The following NSUN4 variants were observed in gnomAD, a reference collection of about 807,000 sequenced individuals.
The protein encoded by NSUN4 is NOP2/Sun RNA methyltransferase 4.
Under a neutral mutation model 43.8 loss-of-function variants are expected in NSUN4, and 31 were observed. The observed-to-expected ratio is 0.71, with a 90% CI of 0.53 to 0.96. The LOEUF (loss-of-function observed/expected upper bound fraction) is 0.96. Ranked by LOEUF, NSUN4 falls within the 40% of genes least tolerant of loss-of-function variation. The pLI, the probability that NSUN4 is intolerant of heterozygous loss-of-function variation, is 0.00. For missense variants in NSUN4, 439 were observed against 475.6 expected (o/e 0.92, Z 0.72); for synonymous variants, 167 against 184.1 (o/e 0.91, Z 0.75).
At chr1:46,342,058 C>CG in intron 1 of NSUN4, 1 of 827,204 alleles carries the variant, frequency 1.2e-6, no homozygotes, top group Non-Finnish European at 1.6e-6. Flanking sequence ...CATAGGACCC[C>CG]GGGAACTTGC....
At chr1:46,375,923 A>G in the NSUN4 span, among the ~76,000 whole-genome samples, 2 of 151,444 alleles carry the variant, frequency 1.3e-5, no homozygotes, top group Admixed American at 6.6e-5. Context: ...CCTAACGAAC[A>G]TGGAGAAACC....
chr1:46,343,795 G>C (rs1662290583), intron 1 of NSUN4: 1 of 400,458 alleles, frequency 2.5e-6, no homozygotes, highest in South Asian at 1.3e-4. Flanking sequence ...AAGAGCAAGA[G>C]TCTATGATGG....
the NSUN4 span, among the ~76,000 whole-genome samples, chr1:46,378,109 G>A: frequency 1.3e-5 from 2 of 152,068 alleles, no homozygotes; most frequent in Non-Finnish European, 2.9e-5. Context: ...ATGTTGCCCA[G>A]GCTGGTCTCG....
At chr1:46,359,572 A>C (rs1325057356) in intron 4 of NSUN4, among the ~76,000 whole-genome samples, 2 of 100,048 alleles carry the variant, frequency 2.0e-5, no homozygotes, top group Non-Finnish European at 1.9e-5. Flanking sequence ...TTTTTTTGAG[A>C]TGGCGTCTTG....
chr1:46,373,177 C>G, the NSUN4 span, among the ~76,000 whole-genome samples: 1 of 152,162 alleles, frequency 6.6e-6, no homozygotes, highest in Non-Finnish European at 1.5e-5. Flanking sequence ...CAGACTTTCC[C>G]TAATCTTTTT....
the NSUN4 span, among the ~76,000 whole-genome samples, chr1:46,384,720 G>C: frequency 6.6e-6 from 1 of 152,080 alleles, no homozygotes; most frequent in Non-Finnish European, 1.5e-5. Flanking sequence ...GCTTGACTCA[G>C]GTGTGATGTG....
At chr1:46,360,057 G>A (rs987521675) in intron 4 of NSUN4, among the ~76,000 whole-genome samples, 19 of 149,344 alleles carry the variant, frequency 1.3e-4, no homozygotes, top group Non-Finnish European at 2.4e-4. Context: ...GTGAAACCCC[G>A]GCTCTACTAA....
chr1:46,375,510 T>A, the NSUN4 span, among the ~76,000 whole-genome samples: 1 of 140,804 alleles, frequency 7.1e-6, no homozygotes, highest in Non-Finnish European at 1.5e-5. Context: ...GAGGCGAGAG[T>A]CTTTTTTGAG....
At chr1:46,343,186 GC>G in intron 1 of NSUN4, 2 of 391,128 alleles carry the variant, frequency 5.1e-6, no homozygotes, top group Non-Finnish European at 8.9e-6. Flanking sequence ...CATTCGACAG[GC>G]CCCCCTCCCA....
downstream of NSUN4, among the ~76,000 whole-genome samples, chr1:46,367,111 T>G (rs892766660): frequency 1.3e-5 from 2 of 152,174 alleles, no homozygotes; most frequent in Non-Finnish European, 2.9e-5. Context: ...GATTAGAAGA[T>G]CTCAGATTTG....
chr1:46,365,076 A>G (rs1246094424), downstream of NSUN4: 1 of 152,204 alleles, frequency 6.6e-6, no homozygotes, highest in African/African-American at 2.4e-5. Context: ...AAATTTTTGC[A>G]TATATACATG....
At chr1:46,358,848 C>T (rs1279083371) in intron 4 of NSUN4, among the ~76,000 whole-genome samples, 1 of 152,126 alleles carries the variant, frequency 6.6e-6, no homozygotes, top group African/African-American at 2.4e-5. Context: ...ATTCCTATAT[C>T]AAAACTATTG....
At chr1:46,341,028 G>C in intron 1 of NSUN4, 109 bp downstream of exon 1, 1 of 1,206,288 alleles carries the variant, frequency 8.3e-7, no homozygotes, top group Non-Finnish European at 1.2e-6. Context: ...AGCACTCCAC[G>C]GAACGTCCTT....
intron 3 of NSUN4, among the ~76,000 whole-genome samples, chr1:46,350,624 A>T (rs1396048940): frequency 1.3e-5 from 2 of 152,232 alleles, no homozygotes; most frequent in Admixed American, 6.5e-5. Flanking sequence ...TGAAAGGTAG[A>T]TGGTAAATCA....
intron 2 of NSUN4, among the ~76,000 whole-genome samples, chr1:46,346,116 ACTCCAGTCTGGGCG>A (rs1384094341): frequency 1.4e-5 from 2 of 141,112 alleles, no homozygotes; most frequent in Non-Finnish European, 1.5e-5. Context: ...GTGCCACCGT[ACTCCAGTCTGGGCG>A]ACAGAGCGAG....
At chr1:46,365,111 G>A (rs1033012191), downstream of NSUN4, 5 of 152,144 alleles carry the variant, frequency 3.3e-5, no homozygotes, top group Admixed American at 1.3e-4. Context: ...GTAGTCTTTG[G>A]TGTTTGACTT....
intron 5 of NSUN4, 96 bp from the exon 6 acceptor site, chr1:46,361,474 A>G (rs1663864877): frequency 1.8e-6 from 2 of 1,113,542 alleles, no homozygotes; most frequent in Non-Finnish European, 2.6e-6. Context: ...CCCATCCTGT[A>G]GTAGCCTTCC....
intron 2 of NSUN4, 141 bp from the exon 3 acceptor site, chr1:46,346,772 ATGAATAAG>A (rs1557737727): frequency 9.5e-6 from 6 of 628,348 alleles, no homozygotes. Context: ...GTATAGATGA[ATGAATAAG>A]TGAATAAGTA....
At chr1:46,374,102 C>T in the NSUN4 span, among the ~76,000 whole-genome samples, 2 of 151,824 alleles carry the variant, frequency 1.3e-5, no homozygotes. Context: ...GCTTGCGCAA[C>T]ACGGTGAAAC....
Sources: allele counts gnomAD v4.1 joint callset (sites outside exome capture counted in the v4.1 genomes callset), GRCh38; gene constraint gnomAD v4.1.1; transcripts MANE v1.5; gene names NCBI Gene and HGNC (gene_info 2026-07-23, HGNC 2026-07-21).